The following HIRA variants were observed in gnomAD, a reference collection of about 807,000 sequenced individuals.
HIRA encodes the protein histone cell cycle regulator.
Under a neutral mutation model 126.6 loss-of-function variants are expected in HIRA, and 13 were observed. The observed-to-expected ratio is 0.10, with a 90% CI of 0.07 to 0.16. The LOEUF (loss-of-function observed/expected upper bound fraction) is 0.16. Ranked by LOEUF, HIRA falls within the 10% of genes least tolerant of loss-of-function variation. HIRA has a pLI of 1.00. For missense variants in HIRA, 834 were observed against 1,314.4 expected, an observed-to-expected ratio of 0.63 and a Z score of 5.65; for synonymous variants, 511 against 520.0, an observed-to-expected ratio of 0.98 and a Z score of 0.24.
At chr22:19,431,240 G>A (rs1448152403) in intron 1 of HIRA, among the ~76,000 whole-genome samples, 200 bp downstream of exon 1, 1 of 152,214 alleles carries the variant, frequency 6.6e-6, no homozygotes, top group Non-Finnish European at 1.5e-5. Flanking sequence ...GGCCCTCGCT[G>A]CGGTCAACCC....
At chr22:19,399,107 C>T (rs1181603118) in intron 5 of HIRA, 19 of 985,036 alleles carry the variant, frequency 1.9e-5, no homozygotes, top group East Asian at 1.1e-4. Flanking sequence ...TCCGCTGTGA[C>T]GATGGTGCCA....
At chr22:19,336,216 G>A (rs190316868) in intron 24 of HIRA, among the ~76,000 whole-genome samples, 16 of 152,288 alleles carry the variant, frequency 1.1e-4, no homozygotes, top group South Asian at 4.1e-4. Flanking sequence ...TTCCAATAAC[G>A]ACTGAGCTTG....
At chr22:19,375,518 A>T in intron 15 of HIRA, 113 bp downstream of exon 15, 2 of 1,106,594 alleles carry the variant, frequency 1.8e-6, no homozygotes, top group Non-Finnish European at 2.6e-6. Context: ...TTGAGTGGCT[A>T]GAGTCTTTTC....
chr22:19,402,582 A>G (rs1264418175), intron 5 of HIRA, among the ~76,000 whole-genome samples: 2 of 152,192 alleles, frequency 1.3e-5, no homozygotes, highest in Admixed American at 1.3e-4. Flanking sequence ...ATTTGTTCCA[A>G]GAGCTTTATC....
chr22:19,369,766 T>C (rs2088948250), intron 15 of HIRA, among the ~76,000 whole-genome samples: 1 of 152,048 alleles, frequency 6.6e-6, no homozygotes, highest in South Asian at 2.1e-4. Flanking sequence ...ACCCCATCTG[T>C]ACTAAAAATA....
At position 19,377,936 on chromosome 22, in the gene HIRA, T is replaced by G. The variant is rs2146211541; in HGVS notation, c.1546A>C (p.Lys516Gln). The G allele has an allele frequency of 3.1e-6, 5 of 1,613,870 alleles. No homozygotes were observed. Among genetic ancestry groups the G allele is most frequent in the Non-Finnish European group, 4.2e-6 (5 of 1,179,942 alleles). Residue 516 changes from lysine (K) to glutamine (Q), a missense_variant, in exon 14 of 25, where the codon AAG (lysine) becomes CAG (glutamine). Lys to Gln is a moderately conservative substitution (Grantham distance 53). This residue lies in a region of HIRA where 468 missense variants were observed against 574.2 expected (regional missense o/e 0.82). Transcript: ENST00000263208. ...GCCACCACAGGCTCTGTGCAAGGCT[T>G]CGAGGCGCCGAAGGAGTTAGGGGTA... is the stretch of plus-strand genomic sequence containing the variant. ...SSTPNSFGAS[K>Q]PCTEPVVAAS...
At chr22:19,336,035 T>G (rs1201855487) in intron 24 of HIRA, among the ~76,000 whole-genome samples, 1 of 152,248 alleles carries the variant, frequency 6.6e-6, no homozygotes, top group African/African-American at 2.4e-5. Flanking sequence ...ACATCCTTTG[T>G]TAGATTTATT....
chr22:19,396,757 G>A, intron 7 of HIRA, 30 bp downstream of exon 7: 1 of 1,609,296 alleles, frequency 6.2e-7, no homozygotes, highest in Non-Finnish European at 8.5e-7. Context: ...CAGCTGCGGG[G>A]GCTCAGCTCC....
At chr22:19,345,519 C>A (rs1475826958) in intron 24 of HIRA, among the ~76,000 whole-genome samples, 1 of 152,202 alleles carries the variant, frequency 6.6e-6, no homozygotes, top group Non-Finnish European at 1.5e-5. Context: ...ACCTTTTCGG[C>A]ACCCAGGACT....
chr22:19,353,333 C>T (rs781942795), intron 23 of HIRA, 23 bp downstream of exon 23: 2 of 1,612,088 alleles, frequency 1.2e-6, no homozygotes, highest in African/African-American at 1.3e-5. Context: ...GAGAAGGCTG[C>T]TCAGGGCTGC....
Position 19,431,467 on chromosome 22 carries a change from G to A in HIRA, c.10C>T (p.Leu4=). Residue 4 remains leucine (L), a synonymous_variant, in exon 1 of 25, where the codon CTG becomes TTG. Coordinates refer to ENST00000263208, the MANE Select transcript of HIRA (RefSeq NM_003325.4). The part of the protein sequence containing the change: MKL[L]KPTWVNHNGK... ...TTGTGGTTGACCCAGGTCGGCTTCA[G>A]GAGCTTCATTGTTCGGCCGCCGCCG... 2 of 1,606,718 alleles carry A rather than the reference G, an allele frequency of 1.2e-6. No homozygotes were observed. Among genetic ancestry groups the A allele is most frequent in the African/African-American group, 1.3e-5 (1 of 74,534 alleles).
At chr22:19,355,406 A>T (rs1358798580) in intron 21 of HIRA, among the ~76,000 whole-genome samples, 2 of 152,212 alleles carry the variant, frequency 1.3e-5, no homozygotes, top group Non-Finnish European at 2.9e-5. Context: ...AAGCTCACAG[A>T]AATTGACTAG....
At chr22:19,416,680 C>A (rs1447631277) in intron 1 of HIRA, among the ~76,000 whole-genome samples, 1 of 152,024 alleles carries the variant, frequency 6.6e-6, no homozygotes, top group Non-Finnish European at 1.5e-5. Flanking sequence ...ACTAAAGGCA[C>A]AGACAATAAA....
intron 1 of HIRA, among the ~76,000 whole-genome samples, chr22:19,422,193 C>CAT (rs1556028886): frequency 6.9e-6 from 1 of 145,552 alleles, no homozygotes; most frequent in South Asian, 2.1e-4. Flanking sequence ...CACACACACA[C>CAT]ATACACATAT....
In HIRA at chr22:19,394,297, G is replaced by C. The variant is rs1259622541; in HGVS notation, c.822+45C>G. On this transcript the variant is annotated intron_variant, in intron 8 of 24. Transcript: ENST00000263208. The stretch of plus-strand genomic sequence containing the variant: ...CAAAATAAACCAAGAATTAATATTT[G>C]CTGAATCTTGGAGCCCATCTCCCTT... The C allele has an allele frequency of 3.2e-6, 5 of 1,583,648 alleles. No individual in the cohort carries two copies. In the African/African-American group the frequency reaches 6.8e-5, roughly 21 times the overall value.
At chr22:19,423,914 A>G (rs1174568176) in intron 1 of HIRA, among the ~76,000 whole-genome samples, 1 of 152,236 alleles carries the variant, frequency 6.6e-6, no homozygotes, top group Non-Finnish European at 1.5e-5. Flanking sequence ...GCTTGGGCAG[A>G]ATGTTTCCCC....
At chr22:19,382,675 CCT>C (rs1024220098) in intron 13 of HIRA, among the ~76,000 whole-genome samples, 7 of 152,116 alleles carry the variant, frequency 4.6e-5, no homozygotes, top group Admixed American at 4.6e-4. Flanking sequence ...TTACAAATGC[CCT>C]GAGCAGATAG....
chr22:19,375,958 C>A (rs2089014743), intron 14 of HIRA, among the ~76,000 whole-genome samples, 166 bp from the exon 15 acceptor site: 1 of 152,184 alleles, frequency 6.6e-6, no homozygotes, highest in Non-Finnish European at 1.5e-5. Context: ...TTAAAATTTT[C>A]ATGTGTCAAA....
intron 1 of HIRA, among the ~76,000 whole-genome samples, chr22:19,427,648 G>A (rs995317906): frequency 2.6e-5 from 4 of 152,218 alleles, no homozygotes; most frequent in African/African-American, 9.6e-5. Flanking sequence ...CCATCAAAGT[G>A]TGAACCAAAG....
Sources: allele counts gnomAD v4.1 joint callset (sites outside exome capture counted in the v4.1 genomes callset), GRCh38; gene constraint gnomAD v4.1.1; regional missense constraint gnomAD v4.1.1; transcripts MANE v1.5; gene names NCBI Gene and HGNC (gene_info 2026-07-23, HGNC 2026-07-21).